PRPF18: variants seen among roughly 807,000 people sequenced by gnomAD.
PRPF18 encodes pre-mRNA processing factor 18, also known as pre-mRNA-splicing factor 18.
Under a neutral mutation model 46.5 loss-of-function variants are expected in PRPF18, and 38 were observed. The observed-to-expected ratio is 0.82, with a 90% CI of 0.63 to 1.07. PRPF18 has a LOEUF of 1.07. Ranked by LOEUF, PRPF18 falls within the 50% of genes least tolerant of loss-of-function variation. The pLI is 0.00. For synonymous variants in PRPF18, 152 were observed against 146.7 expected (o/e 1.04, Z -0.26); for missense variants, 263 against 410.0 (o/e 0.64, Z 3.10).
At chr10:13,654,453 G>C in the PRPF18 span, 207 of 1,613,442 alleles carry the variant, frequency 1.3e-4, no homozygotes, top group South Asian at 4.9e-4. Flanking sequence ...GGGCTGCTTG[G>C]GGGGGTGGCT....
chr10:13,591,802 A>G, intron 1 of PRPF18: 4 of 1,444,400 alleles, frequency 2.8e-6, no homozygotes, highest in Non-Finnish European at 3.7e-6. Context: ...TCCAGTCACA[A>G]GTAACAAGCC....
chr10:13,608,622 A>G (rs746274762), intron 4 of PRPF18, among the ~76,000 whole-genome samples: 1 of 152,158 alleles, frequency 6.6e-6, no homozygotes, highest in Non-Finnish European at 1.5e-5. Context: ...CTCGGAATCT[A>G]TTTTTGGTCC....
the PRPF18 span, chr10:13,640,818 ATAG>A: frequency 6.6e-6 from 1 of 152,558 alleles, no homozygotes; most frequent in Non-Finnish European, 1.5e-5. Context: ...CTCTGACATG[ATAG>A]TAGCTGCCCT....
intron 4 of PRPF18, 58 bp downstream of exon 4, chr10:13,605,802 G>A (rs1589125670): frequency 2.0e-6 from 3 of 1,508,036 alleles, no homozygotes; most frequent in Non-Finnish European, 2.7e-6. Context: ...CTAGAATAGA[G>A]TTTGACTAAT....
At chr10:13,614,525 G>A (rs549115767) in intron 8 of PRPF18, among the ~76,000 whole-genome samples, 1 of 152,234 alleles carries the variant, frequency 6.6e-6, no homozygotes, top group Non-Finnish European at 1.5e-5. Context: ...TGATGGTACA[G>A]TGGAATTTAA....
At chr10:13,635,124 A>G (rs2080625564), downstream of PRPF18, among the ~76,000 whole-genome samples, 1 of 152,048 alleles carries the variant, frequency 6.6e-6, no homozygotes, top group Admixed American at 6.5e-5. Context: ...TTCAGCTCCT[A>G]CTTACAAGTG....
At chr10:13,613,915 A>C (rs1022495801) in intron 7 of PRPF18, 34 bp downstream of exon 7, 2 of 1,592,844 alleles carry the variant, frequency 1.3e-6, no homozygotes, top group Non-Finnish European at 1.7e-6. Context: ...TTTTTAACTG[A>C]CTTTAAAAAT....
chr10:13,592,387 C>A, intron 1 of PRPF18: 1 of 240,844 alleles, frequency 4.2e-6, no homozygotes, highest in South Asian at 6.4e-5. Flanking sequence ...GGTCAGGGAT[C>A]AGTAGATTGT....
chr10:13,654,944 C>G, the PRPF18 span: 37 of 174,792 alleles, frequency 2.1e-4, no homozygotes, highest in Admixed American at 6.7e-4. Context: ...TTCAGTGTGG[C>G]CCTGTTATGA....
chr10:13,654,462 C>T, the PRPF18 span: 1 of 1,613,904 alleles, frequency 6.2e-7, no homozygotes, highest in East Asian at 2.2e-5. Context: ...GGGGGGGTGG[C>T]TCCAATTTCA....
At chr10:13,646,015 AC>A in the PRPF18 span, 14 of 152,384 alleles carry the variant, frequency 9.2e-5, no homozygotes, top group African/African-American at 2.6e-4. Flanking sequence ...GCTCGGCTGA[AC>A]CCCCTGCATG....
At chr10:13,630,025 T>G (rs2080572412) in intron 9 of PRPF18, among the ~76,000 whole-genome samples, 1 of 152,188 alleles carries the variant, frequency 6.6e-6, no homozygotes, top group Non-Finnish European at 1.5e-5. Context: ...TGGATGGAAA[T>G]TTGGGTTGTT....
chr10:13,596,906 AT>A (rs555391966), intron 1 of PRPF18, among the ~76,000 whole-genome samples: 81 of 152,268 alleles, frequency 5.3e-4, no homozygotes, highest in African/African-American at 1.9e-3. Context: ...TCCTTAAATC[AT>A]TTTTTAAATA....
intron 3 of PRPF18, among the ~76,000 whole-genome samples, chr10:13,604,878 A>T (rs2080162502): frequency 6.6e-6 from 1 of 152,248 alleles, no homozygotes; most frequent in Non-Finnish European, 1.5e-5. Context: ...CATTGTTTTT[A>T]AAAGAAGACT....
chr10:13,654,324 C>G, the PRPF18 span: 2 of 863,558 alleles, frequency 2.3e-6, no homozygotes, highest in African/African-American at 3.3e-5. Flanking sequence ...CCTCATCATC[C>G]ATTTACTGAC....
At chr10:13,641,622 G>A in the PRPF18 span, 1 of 152,246 alleles carries the variant, frequency 6.6e-6, no homozygotes, top group Non-Finnish European at 1.5e-5. Context: ...GATTGAAAAG[G>A]AGAGCCCTGG....
At chr10:13,609,142 G>A (rs2080234991) in intron 4 of PRPF18, among the ~76,000 whole-genome samples, 1 of 152,224 alleles carries the variant, frequency 6.6e-6, no homozygotes, top group African/African-American at 2.4e-5. Flanking sequence ...TTGGTTGAAT[G>A]TGCACCGTGC....
intron 9 of PRPF18, among the ~76,000 whole-genome samples, chr10:13,624,634 G>T (rs984228182): frequency 6.6e-6 from 1 of 152,204 alleles, no homozygotes; most frequent in Non-Finnish European, 1.5e-5. Flanking sequence ...AAATTGAGTG[G>T]AATATACAAT....
the PRPF18 span, chr10:13,644,337 C>A: frequency 3.9e-5 from 6 of 152,210 alleles, no homozygotes; most frequent in Non-Finnish European, 7.3e-5. Flanking sequence ...TGCTTGTGTA[C>A]AATAACTACA....
Sources: allele counts gnomAD v4.1 joint callset (sites outside exome capture counted in the v4.1 genomes callset), GRCh38; gene constraint gnomAD v4.1.1; transcripts MANE v1.5; gene names NCBI Gene and HGNC (gene_info 2026-07-23, HGNC 2026-07-21).